Variants in EGFR observed in about 807,000 individuals in gnomAD.
The protein encoded by EGFR is epidermal growth factor receptor, also known as avian erythroblastic leukemia viral (v-erb-b) oncogene homolog.
In EGFR, 58 loss-of-function variants were observed where a neutral mutation model predicts 143.0. That is an observed-to-expected ratio of 0.41 (90% confidence interval 0.33 to 0.50). The LOEUF (loss-of-function observed/expected upper bound fraction) is 0.50, where lower values mean the gene tolerates loss of function less well. EGFR is among the 20% of genes least tolerant of loss of function. The probability of loss-of-function intolerance (pLI) is 0.39; values close to 1 mark genes in which losing one functional copy is unlikely to be tolerated. For missense variants in EGFR, 1,307 were observed against 1,579.0 expected (o/e 0.83, Z 2.92); for synonymous variants, 613 against 594.4 (o/e 1.03, Z -0.45).
intron 1 of EGFR, among the ~76,000 whole-genome samples, chr7:55,095,917 A>T (rs1791440495): frequency 6.6e-6 from 1 of 151,790 alleles, no homozygotes; most frequent in South Asian, 2.1e-4. Context: ...CATACATACA[A>T]TACACAGAGA....
intron 1 of EGFR, among the ~76,000 whole-genome samples, chr7:55,057,290 G>A (rs191489216): frequency 8.1e-4 from 123 of 152,308 alleles, no homozygotes; most frequent in Admixed American, 7.6e-3. Context: ...AAGTTGGGAC[G>A]GGCAGTTGTG....
At chr7:55,135,752 A>C (rs1391532953) in intron 1 of EGFR, among the ~76,000 whole-genome samples, 1 of 152,208 alleles carries the variant, frequency 6.6e-6, no homozygotes, top group Non-Finnish European at 1.5e-5. Flanking sequence ...AGACTAGTCT[A>C]GTTCTATAGT....
At chr7:55,132,767 A>G (rs6593208) in intron 1 of EGFR, among the ~76,000 whole-genome samples, 151,020 of 152,334 alleles carry the variant, frequency 0.99, 74,859 homozygotes, top group Middle Eastern at 1. Context: ...AAGGACTCAC[A>G]TATTCCTTCA....
chr7:55,106,101 C>T (rs1356900810), intron 1 of EGFR, among the ~76,000 whole-genome samples: 2 of 152,152 alleles, frequency 1.3e-5, no homozygotes, highest in East Asian at 1.9e-4. Context: ...GGGAGCCTAG[C>T]GGCAAGGGCT....
At chr7:55,046,361 A>C (rs1788175404) in intron 1 of EGFR, among the ~76,000 whole-genome samples, 1 of 152,176 alleles carries the variant, frequency 6.6e-6, no homozygotes, top group South Asian at 2.1e-4. Context: ...TGCTCTCTAC[A>C]AGGGGATATT....
chr7:55,177,478 A>G (rs1291224169), intron 19 of EGFR, among the ~76,000 whole-genome samples: 1 of 152,216 alleles, frequency 6.6e-6, no homozygotes, highest in Non-Finnish European at 1.5e-5. Flanking sequence ...CACACACTGC[A>G]GCCCCAGTTC....
At chr7:55,129,535 A>C (rs767475616) in intron 1 of EGFR, among the ~76,000 whole-genome samples, 3 of 152,162 alleles carry the variant, frequency 2.0e-5, no homozygotes, top group Non-Finnish European at 4.4e-5. Flanking sequence ...GTGGACAACC[A>C]TTTGGTAGAG....
intron 13 of EGFR, 107 bp downstream of exon 13, chr7:55,161,738 T>C: frequency 3.2e-6 from 5 of 1,586,612 alleles, no homozygotes; most frequent in Non-Finnish European, 4.3e-6. Flanking sequence ...CTTTTATTCT[T>C]TGCCCTTGGC....
chr7:55,122,852 G>T (rs1464306475), intron 1 of EGFR, among the ~76,000 whole-genome samples: 1 of 152,266 alleles, frequency 6.6e-6, no homozygotes, highest in African/African-American at 2.4e-5. Flanking sequence ...CACAATGTGG[G>T]GTAGTGGCTG....
chr7:55,048,769 G>T (rs1343483326), intron 1 of EGFR, among the ~76,000 whole-genome samples: 1 of 152,152 alleles, frequency 6.6e-6, no homozygotes, highest in South Asian at 2.1e-4. Context: ...ACTGTCTGTG[G>T]CACGGCTAGA....
chr7:55,101,551 A>G (rs1341597579), intron 1 of EGFR, among the ~76,000 whole-genome samples: 1 of 152,132 alleles, frequency 6.6e-6, no homozygotes. Context: ...TTTAAGGTGC[A>G]GTTGAATCAG....
Position 55,173,034 on chromosome 7 carries a change from G to T in EGFR, c.1971G>T (p.Leu657=), listed in dbSNP as rs751948988. The part of the protein sequence containing the change: ...ATGMVGALLL[L]LVVALGIGLF... ...GGATGGTGGGGGCCCTCCTCTTGCTGCTGGTGGTGGCCCTGGGGATCGGCC... is the reference window on the plus strand; with the variant it reads ...GGATGGTGGGGGCCCTCCTCTTGCTTCTGGTGGTGGCCCTGGGGATCGGCC... Residue 657 remains leucine (L), a synonymous_variant, in exon 17 of 28, where the codon CTG becomes CTT. Transcript: ENST00000275493. 3.7e-6 allele frequency: 6 copies of T among 1,614,080 alleles called. No individual in the cohort carries two copies. Among genetic ancestry groups the T allele is most frequent in the Non-Finnish European group, 5.1e-6 (6 of 1,180,044 alleles).
chr7:55,033,926 T>C (rs1418604350), intron 1 of EGFR, among the ~76,000 whole-genome samples: 2 of 152,236 alleles, frequency 1.3e-5, no homozygotes, highest in Non-Finnish European at 2.9e-5. Flanking sequence ...GATTTCTTCC[T>C]GTGCTCTTTT....
chr7:55,129,762 T>G (rs1429800439), intron 1 of EGFR, among the ~76,000 whole-genome samples: 2 of 152,178 alleles, frequency 1.3e-5, no homozygotes, highest in African/African-American at 4.8e-5. Flanking sequence ...AGGAAGAGCT[T>G]AGCACTAAGA....
rs1309888001 is a variant in EGFR at position 55,209,042 on chromosome 7, C to G, written c.*3425C>G. ...CACTCTCACTAGGCCTCTGATTGCA[C>G]TTGTGTAGGATGAAGCTGGTGGGTG... On this transcript the variant is annotated 3_prime_UTR_variant, in exon 28 of 28. Coordinates refer to ENST00000275493, the MANE Select transcript of EGFR (RefSeq NM_005228.5). 6.6e-6 allele frequency: 1 copy of G among 152,184 alleles called. No homozygotes were observed. The highest frequency in any genetic ancestry group is 1.9e-4 in the East Asian group (1 of 5,176). 9.4% of individuals were successfully genotyped at this position (152,184 alleles called of 1,614,324 possible).
At chr7:55,054,344 T>C (rs1174621398) in intron 1 of EGFR, among the ~76,000 whole-genome samples, 1 of 152,198 alleles carries the variant, frequency 6.6e-6, no homozygotes, top group Non-Finnish European at 1.5e-5. Context: ...TATGCAGCAC[T>C]AAGTTAAGCT....
At chr7:55,123,956 G>T (rs1793368896) in intron 1 of EGFR, among the ~76,000 whole-genome samples, 1 of 152,116 alleles carries the variant, frequency 6.6e-6, no homozygotes, top group African/African-American at 2.4e-5. Flanking sequence ...GTACATGTAT[G>T]TGTGTTTTAT....
At chr7:55,033,164 C>A (rs544003654) in intron 1 of EGFR, among the ~76,000 whole-genome samples, 1 of 152,288 alleles carries the variant, frequency 6.6e-6, no homozygotes, top group African/African-American at 2.4e-5. Context: ...CTAGAAAAAG[C>A]AGCAACTTTC....
intron 1 of EGFR, among the ~76,000 whole-genome samples, chr7:55,047,114 A>G (rs776092273): frequency 1.3e-5 from 2 of 152,234 alleles, no homozygotes; most frequent in Non-Finnish European, 2.9e-5. Flanking sequence ...AGTGGTGATA[A>G]CACAGTCATA....
Sources: gnomAD v4.1 joint callset for allele counts (sites outside exome capture counted in the v4.1 genomes callset) on GRCh38, gnomAD v4.1.1 for gene constraint, MANE v1.5 for transcripts, NCBI Gene and HGNC (gene_info 2026-07-23, HGNC 2026-07-21) for gene names.